Variants in KCNN2 observed in about 807,000 individuals in gnomAD.
KCNN2 encodes the protein potassium calcium-activated channel subfamily N member 2.
A neutral mutation model predicts 55.5 loss-of-function variants in KCNN2; 24 were observed. That is an observed-to-expected ratio of 0.43 (90% confidence interval 0.31 to 0.61). The LOEUF is 0.61. Among genes scored for constraint, KCNN2 ranks in the 20% least tolerant of loss-of-function variants. The pLI is 0.08. For synonymous variants in KCNN2, 431 were observed against 336.1 expected (o/e 1.28, Z -3.09); for missense variants, 754 against 853.6 (o/e 0.88, Z 1.45).
At chr5:114,080,397 GT>G (rs1329747638) in intron 1 of KCNN2, among the ~76,000 whole-genome samples, 1 of 152,162 alleles carries the variant, frequency 6.6e-6, no homozygotes, top group Non-Finnish European at 1.5e-5. Flanking sequence ...GTTTGTTAGA[GT>G]TTACCAGTGA....
chr5:114,099,976 ATTTC>A (rs1347030511), intron 1 of KCNN2, among the ~76,000 whole-genome samples: 2 of 151,962 alleles, frequency 1.3e-5, no homozygotes, highest in African/African-American at 4.8e-5. Context: ...TGCTCAATGT[ATTTC>A]TTCACAAATT....
chr5:114,467,050 A>G (rs1182215102), intron 4 of KCNN2, among the ~76,000 whole-genome samples: 3 of 152,168 alleles, frequency 2.0e-5, no homozygotes, highest in East Asian at 1.9e-4. Context: ...AAGATTTGAT[A>G]ATAATCCTTT....
At chr5:114,209,814 T>G (rs1274604372) in intron 1 of KCNN2, among the ~76,000 whole-genome samples, 1 of 152,228 alleles carries the variant, frequency 6.6e-6, no homozygotes, top group African/African-American at 2.4e-5. Context: ...AAATGTCACA[T>G]CTAATTTCTG....
chr5:114,249,073 TACAAAG>T (rs1754805972), intron 2 of KCNN2, among the ~76,000 whole-genome samples: 1 of 152,304 alleles, frequency 6.6e-6, no homozygotes, highest in African/African-American at 2.4e-5. Context: ...AGTAAATTTC[TACAAAG>T]ACAAAGTTTC....
intron 2 of KCNN2, among the ~76,000 whole-genome samples, chr5:114,380,460 C>T (rs535512964): frequency 1.3e-5 from 2 of 152,226 alleles, no homozygotes; most frequent in East Asian, 1.9e-4. Context: ...AGAAAGGGAT[C>T]GTGATTCAAT....
chr5:114,056,708 T>C (rs1750216786), intron 1 of KCNN2, among the ~76,000 whole-genome samples: 1 of 152,046 alleles, frequency 6.6e-6, no homozygotes, highest in South Asian at 2.1e-4. Flanking sequence ...CATTTGAGAG[T>C]TCTGCACTAG....
intron 1 of KCNN2, among the ~76,000 whole-genome samples, chr5:114,072,403 C>T (rs1335809398): frequency 2.6e-5 from 4 of 151,958 alleles, no homozygotes; most frequent in Non-Finnish European, 5.9e-5. Flanking sequence ...CTGGGAAGTC[C>T]AAGAGCATAG....
At chr5:114,115,853 A>G (rs989481855) in intron 1 of KCNN2, among the ~76,000 whole-genome samples, 1 of 152,094 alleles carries the variant, frequency 6.6e-6, no homozygotes, top group Non-Finnish European at 1.5e-5. Flanking sequence ...ACTCTTGGCG[A>G]TAACTCCTTG....
At chr5:114,475,606 G>A (rs1211914071) in intron 5 of KCNN2, among the ~76,000 whole-genome samples, 1 of 151,844 alleles carries the variant, frequency 6.6e-6, no homozygotes. Flanking sequence ...AAGAGCTAAA[G>A]AATCACATTC....
intron 1 of KCNN2, among the ~76,000 whole-genome samples, chr5:114,198,739 G>T (rs1034032210): frequency 2.6e-5 from 4 of 151,714 alleles, no homozygotes; most frequent in Non-Finnish European, 5.9e-5. Flanking sequence ...TATAGTCTTG[G>T]GAGTTCCTCT....
chr5:114,476,622 T>G (rs1383748371), intron 5 of KCNN2, among the ~76,000 whole-genome samples: 1 of 152,064 alleles, frequency 6.6e-6, no homozygotes, highest in Non-Finnish European at 1.5e-5. Context: ...GGTTTCTCCA[T>G]GTTGGTCAGG....
At chr5:114,405,123 C>A (rs1758891580) in intron 3 of KCNN2, among the ~76,000 whole-genome samples, 1 of 152,034 alleles carries the variant, frequency 6.6e-6, no homozygotes, top group Non-Finnish European at 1.5e-5. Context: ...ATTTGGAGAC[C>A]TAGAAATTGT....
intron 1 of KCNN2, among the ~76,000 whole-genome samples, chr5:114,069,406 CT>C (rs1441143488): frequency 2.2e-4 from 33 of 152,194 alleles, no homozygotes; most frequent in Admixed American, 2.2e-3. Flanking sequence ...CTTAAAGGCA[CT>C]TGTGCCAGCA....
At chr5:114,344,837 G>C (rs1027683181) in intron 2 of KCNN2, among the ~76,000 whole-genome samples, 1 of 152,136 alleles carries the variant, frequency 6.6e-6, no homozygotes, top group Admixed American at 6.6e-5. Context: ...AAAAATTACA[G>C]CCCATTTAAT....
intron 5 of KCNN2, among the ~76,000 whole-genome samples, chr5:114,475,528 G>A (rs1761925435): frequency 6.6e-6 from 1 of 151,832 alleles, no homozygotes; most frequent in Non-Finnish European, 1.5e-5. Flanking sequence ...TTCCTTTTTT[G>A]GAATAACATA....
At chr5:114,199,342 C>T (rs1223319149) in intron 1 of KCNN2, among the ~76,000 whole-genome samples, 1 of 152,012 alleles carries the variant, frequency 6.6e-6, no homozygotes, top group East Asian at 1.9e-4. Context: ...CTTGAAGCAG[C>T]ATATAATTGA....
chr5:114,290,395 A>G (rs1459838948), intron 2 of KCNN2, among the ~76,000 whole-genome samples: 1 of 152,122 alleles, frequency 6.6e-6, no homozygotes, highest in African/African-American at 2.4e-5. Flanking sequence ...ATAATTACTT[A>G]TAGTATTATA....
intron 2 of KCNN2, among the ~76,000 whole-genome samples, chr5:114,394,607 C>A (rs1362175155): frequency 1.3e-5 from 2 of 152,178 alleles, no homozygotes; most frequent in Non-Finnish European, 2.9e-5. Flanking sequence ...TACCTGATTT[C>A]TTTTAATATG....
intron 2 of KCNN2, among the ~76,000 whole-genome samples, chr5:114,326,332 G>T (rs1756713755): frequency 6.6e-6 from 1 of 152,208 alleles, no homozygotes; most frequent in African/African-American, 2.4e-5. Context: ...GCAGAAGGCT[G>T]AAAGTGGGAG....
Sources: gnomAD v4.1 joint callset for allele counts (sites outside exome capture counted in the v4.1 genomes callset) on GRCh38, gnomAD v4.1.1 for gene constraint, MANE v1.5 for transcripts, NCBI Gene and HGNC (gene_info 2026-07-23, HGNC 2026-07-21) for gene names.